FRYL: variants seen among roughly 807,000 people sequenced by gnomAD.
The protein encoded by FRYL is protein furry homolog-like.
A neutral mutation model predicts 351.2 loss-of-function variants in FRYL; 150 were observed. That is an observed-to-expected ratio of 0.43 (90% CI 0.37 to 0.49). The LOEUF is 0.49. Among genes scored for constraint, FRYL ranks in the 20% least tolerant of loss-of-function variants. The pLI is 0.00. For synonymous variants in FRYL, 1,153 were observed against 1,257.1 expected (o/e 0.92, Z 1.75); for missense variants, 3,036 against 3,619.3 (o/e 0.84, Z 4.13).
chr4:48,567,395 T>C lies in FRYL; in HGVS notation c.3022A>G (p.Thr1008Ala), dbSNP rs749626949. The C allele has an allele frequency of 3.1e-6, 5 of 1,607,226 alleles. No individual in the cohort carries two copies. The Admixed American group carries it at 8.5e-5, about 27-fold the overall frequency. ...HSASGGLDNE[T>A]HFLNNTLLEY... The stretch of plus-strand genomic sequence containing the variant: ...AATAAAGTGTTGTTGAGAAAATGTG[T>C]TTCATTATCAAGGCCACCACTTGCA... Residue 1008 changes from threonine (T) to alanine (A), a missense_variant, in exon 28 of 64, where the codon ACA becomes GCA. Coordinates refer to ENST00000358350, the MANE Select transcript of FRYL (RefSeq NM_015030.2). This position sits in a 1 kb window ranked among gnomAD's most constrained non-coding sequence, Gnocchi z 4.2.
intron 53 of FRYL, among the ~76,000 whole-genome samples, chr4:48,525,707 GTATGAGCTGTA>G (rs1403851582): frequency 1.3e-5 from 2 of 152,134 alleles, no homozygotes; most frequent in African/African-American, 4.8e-5. Context: ...TGATGAATGT[GTATGAGCTGTA>G]TATGAGTTGT....
intron 41 of FRYL, 79 bp downstream of exon 41, chr4:48,547,505 C>T: frequency 1.4e-6 from 1 of 708,494 alleles, no homozygotes; most frequent in Non-Finnish European, 2.2e-6. Flanking sequence ...AACTTTTATT[C>T]AGTTGACTTT....
intron 59 of FRYL, among the ~76,000 whole-genome samples, chr4:48,508,298 T>C (rs752838287): frequency 1.3e-5 from 2 of 152,188 alleles, no homozygotes; most frequent in African/African-American, 4.8e-5. Flanking sequence ...TAATATACCA[T>C]CTGAGATTTT....
At chr4:48,779,769 G>GGGGACGTGCGGGAGAGAC (rs1776462770) in intron 1 of FRYL, among the ~76,000 whole-genome samples, 1 of 151,912 alleles carries the variant, frequency 6.6e-6, no homozygotes, top group Non-Finnish European at 1.5e-5. Context: ...TGGAGGGGAA[G>GGGGACGTGCGGGAGAGAC]GGGACGTGCG....
chr4:48,764,980 G>A (rs1774800935), intron 1 of FRYL, among the ~76,000 whole-genome samples: 1 of 152,140 alleles, frequency 6.6e-6, no homozygotes, highest in Non-Finnish European at 1.5e-5. Flanking sequence ...AAGTAGCTGG[G>A]ATTACAGGCG....
chr4:48,604,276 TAG>T (rs1746288573), intron 11 of FRYL, among the ~76,000 whole-genome samples: 3 of 152,182 alleles, frequency 2.0e-5, no homozygotes, highest in African/African-American at 7.2e-5. Flanking sequence ...GGGAGGTTAC[TAG>T]AGAGGCATGA....
chr4:48,714,026 G>A (rs1302881748), intron 1 of FRYL, among the ~76,000 whole-genome samples: 1 of 151,676 alleles, frequency 6.6e-6, no homozygotes, highest in Non-Finnish European at 1.5e-5. Context: ...CGACTACTGG[G>A]TACATAACAA....
intron 19 of FRYL, among the ~76,000 whole-genome samples, chr4:48,583,579 GTAA>G (rs1457614219): frequency 6.1e-4 from 92 of 151,170 alleles, no homozygotes; most frequent in Non-Finnish European, 7.4e-5. Context: ...AAATTTAGGA[GTAA>G]TATTATAAAT....
Position 48,603,298 on chromosome 4 carries a change from G to T in FRYL, c.925C>A (p.His309Asn), listed in dbSNP as rs1746067523. ...GAAATGTTTCTTAATACCAATGAAT[G>T]CTTCTTTCTCGAGCTCAGTTCAAAA... The part of the protein sequence containing the change: ...TTFELSSRKK[H>N]SLALYPLITC... Residue 309 changes from histidine (H) to asparagine (N), a missense_variant, in exon 12 of 64, where the codon CAT becomes AAT. This residue lies in a region of FRYL where 457 missense variants were observed against 566.6 expected (regional missense o/e 0.81). Coordinates refer to ENST00000358350, the MANE Select transcript of FRYL (RefSeq NM_015030.2). The T allele has an allele frequency of 6.3e-7, 1 of 1,598,274 alleles. No individual in the cohort carries two copies. Among genetic ancestry groups the T allele is most frequent in the Non-Finnish European group, 8.5e-7 (1 of 1,169,634 alleles).
In FRYL at chr4:48,549,401, T is replaced by C. The variant is rs1318336646; in HGVS notation, c.4784+72A>G. 4 of 1,380,774 alleles carry C rather than the reference T, an allele frequency of 2.9e-6. No individual in the cohort carries two copies. The highest frequency in any genetic ancestry group is 1.9e-4 in the Middle Eastern group (1 of 5,268). 85.5% of individuals were successfully genotyped at this position (1,380,774 alleles called of 1,614,324 possible). A position where few individuals can be genotyped will look rare whatever the true frequency, so the allele number is the denominator to read the frequency against. On this transcript the variant is annotated intron_variant, in intron 39 of 63. Coordinates refer to ENST00000358350, the MANE Select transcript of FRYL (RefSeq NM_015030.2). This position sits in a 1 kb window ranked among gnomAD's most constrained non-coding sequence, Gnocchi z 4.2. ...ATTGCTTTCATTCTGTGTTGTCAGA[T>C]AGCACAAAGAAAGCCGACAGTGTTC...
chr4:48,590,844 A>G lies in FRYL; in HGVS notation c.1336-14T>C, dbSNP rs1482056944. 7 of 1,586,576 alleles carry G rather than the reference A, an allele frequency of 4.4e-6. No individual in the cohort carries two copies. The highest frequency in any genetic ancestry group is 1.7e-4 in the Middle Eastern group (1 of 5,924). On this transcript the variant is annotated splice_polypyrimidine_tract_variant and intron_variant, in intron 16 of 63. Transcript: ENST00000358350. The stretch of plus-strand genomic sequence containing the variant: ...TATGTTCATTCTCTTCAAAGGAAAA[A>G]AATGCAAAAGGAAGAGATGAGTATC...
At chr4:48,509,144 C>G (rs1296817521) in intron 59 of FRYL, among the ~76,000 whole-genome samples, 1 of 152,050 alleles carries the variant, frequency 6.6e-6, no homozygotes, top group African/African-American at 2.4e-5. Flanking sequence ...AACTTCTGTT[C>G]ATCAAAAAAT....
At position 48,578,432 on chromosome 4, in the gene FRYL, A is replaced by G. The variant is rs561061464; in HGVS notation, c.2528+541T>C. Reference sequence around the variant, plus strand: ...CTCTGTATTTAAGAGCAAAAAAACAAAACAAAACAAAAACTAACTGAAATT... The same window carrying G: ...CTCTGTATTTAAGAGCAAAAAAACAGAACAAAACAAAAACTAACTGAAATT... On this transcript the variant is annotated intron_variant, in intron 23 of 63. Coordinates refer to ENST00000358350, the MANE Select transcript of FRYL (RefSeq NM_015030.2). Among the ~76,000 whole-genome samples, 10 of 152,330 alleles carry G rather than the reference A, an allele frequency of 6.6e-5. No homozygotes were observed. The South Asian group carries it at 1.9e-3, about 28-fold the overall frequency.
chr4:48,555,356 T>C (rs904804887), intron 35 of FRYL, among the ~76,000 whole-genome samples: 3 of 152,176 alleles, frequency 2.0e-5, no homozygotes, highest in Non-Finnish European at 4.4e-5. Context: ...AATCTACTGG[T>C]TGATGCAAAA....
At chr4:48,501,531 CT>C in intron 62 of FRYL, 91 bp downstream of exon 62, 2 of 754,748 alleles carry the variant, frequency 2.6e-6, no homozygotes. Flanking sequence ...CTCTAAGTGA[CT>C]TTTGACTTAA....
Position 48,498,069 on chromosome 4 carries a change from TTC to T in FRYL, c.*1351_*1352del, listed in dbSNP as rs2148680596. On this transcript the variant is annotated 3_prime_UTR_variant, in exon 64 of 64. Transcript: ENST00000358350. ...TCAAATCAGGAGTTGTGGGACTACA[TTC>T]TTTTTTTTTTTTTTTCTTTCTTTTC... 1.3e-5 allele frequency: 2 copies of T among 151,272 alleles called. No individual in the cohort carries two copies. Among genetic ancestry groups the T allele is most frequent in the East Asian group, 1.9e-4 (1 of 5,170 alleles). 9.4% of individuals were successfully genotyped at this position (151,272 alleles called of 1,614,324 possible).
At position 48,527,636 on chromosome 4, in the gene FRYL, A is replaced by G; in HGVS notation, c.7158T>C (p.Asn2386=). The G allele has an allele frequency of 6.2e-7, 1 of 1,603,824 alleles. No individual in the cohort carries two copies. The highest frequency in any genetic ancestry group is 8.5e-7 in the Non-Finnish European group (1 of 1,177,062). Residue 2386 remains asparagine (N), a synonymous_variant, in exon 53 of 64, where the codon AAT becomes AAC. Transcript: ENST00000358350. ...PKNPSVVFSS[N]EDLEVGDQQT... is the part of the protein sequence containing the mutation. ...GTTGGTCACCGACTTCCAAATCCTC[A>G]TTAGAAGAAAATACAACCTGATGCC...
Position 48,582,510 on chromosome 4 carries a change from T to A in FRYL, c.1973A>T (p.Asn658Ile). The A allele has an allele frequency of 1.2e-6, 2 of 1,611,036 alleles. No homozygotes were observed. Among genetic ancestry groups the A allele is most frequent in the East Asian group, 4.5e-5 (2 of 44,856 alleles). The change falls in exon 20 of 64, where the codon AAC becomes ATC. Residue 658 changes from asparagine to isoleucine, a missense_variant. Physicochemically the swap from Asn to Ile is moderately radical, Grantham distance 149. This residue lies in a region of FRYL where 492 missense variants were observed against 551.5 expected (regional missense o/e 0.89). Transcript: ENST00000358350. ...WKQAAQMHNKNQDTQHGVANG... is the reference protein window; with the variant it reads ...WKQAAQMHNKIQDTQHGVANG... ...AGAATCTGGTACCTGAGTGTCCTGG[T>A]TTTTATTATGCATTTGGGCTGCTTG...
intron 1 of FRYL, among the ~76,000 whole-genome samples, chr4:48,719,853 T>C (rs1043705690): frequency 6.6e-6 from 1 of 151,640 alleles, no homozygotes; most frequent in African/African-American, 2.4e-5. Context: ...ACTGACTTTT[T>C]AAAAAATTGC....
Sources: gnomAD v4.1 joint callset for allele counts (sites outside exome capture counted in the v4.1 genomes callset) on GRCh38, gnomAD v4.1.1 for gene constraint, gnomAD v4.1.1 regional missense constraint, Gnocchi (gnomAD v3.1) non-coding constraint, MANE v1.5 for transcripts, NCBI Gene and HGNC (gene_info 2026-07-23, HGNC 2026-07-21) for gene names.